The following OR10G3 variants were observed in gnomAD, a reference collection of about 807,000 sequenced individuals.
The protein encoded by OR10G3 is olfactory receptor family 10 subfamily G member 3, also known as olfactory receptor 10G3.
A neutral mutation model predicts 13.4 loss-of-function variants in OR10G3; 8 were observed. The ratio of observed to expected loss-of-function variants is 0.60; its 90% CI spans 0.35 to 1.08. The LOEUF is 1.08. OR10G3 is among the 50% of genes least tolerant of loss of function. The probability of loss-of-function intolerance (pLI) is 0.02; values close to 1 mark genes in which losing one functional copy is unlikely to be tolerated. For missense variants in OR10G3, 393 were observed against 386.6 expected (o/e 1.02, Z -0.14); for synonymous variants, 142 against 156.1 (o/e 0.91, Z 0.67).
intron 1 of OR10G3, among the ~76,000 whole-genome samples, chr14:21,572,283 C>A (rs1893078411): frequency 1.2e-4 from 1 of 8,006 alleles, no homozygotes; most frequent in Non-Finnish European, 2.4e-4. Context: ...GAAACTCCAT[C>A]TCAAAAAAAA....
At chr14:21,573,688 G>A (rs990812383) in intron 1 of OR10G3, among the ~76,000 whole-genome samples, 1 of 150,642 alleles carries the variant, frequency 6.6e-6, no homozygotes, top group East Asian at 1.9e-4. Context: ...AAAAAAGTAC[G>A]AAGTTTCAGT....
chr14:21,573,396 G>C (rs1440541498), intron 1 of OR10G3, among the ~76,000 whole-genome samples: 7 of 152,066 alleles, frequency 4.6e-5, no homozygotes, highest in African/African-American at 1.7e-4. Flanking sequence ...GTTTCAGCTG[G>C]GTGCAGTGGC....
intron 1 of OR10G3, among the ~76,000 whole-genome samples, chr14:21,578,776 A>G (rs532400073): frequency 3.3e-5 from 5 of 152,284 alleles, no homozygotes; most frequent in Middle Eastern, 6.8e-3. Flanking sequence ...TCTTTTTAAA[A>G]TAAATTTCAC....
chr14:21,571,195 A>T (rs574892009), intron 1 of OR10G3, among the ~76,000 whole-genome samples: 1 of 152,280 alleles, frequency 6.6e-6, no homozygotes, highest in Non-Finnish European at 1.5e-5. Context: ...TATTTGTTTC[A>T]TTAGGTGCTC....
intron 1 of OR10G3, among the ~76,000 whole-genome samples, chr14:21,572,134 A>G (rs1340381471): frequency 3.3e-5 from 5 of 151,534 alleles, no homozygotes; most frequent in Non-Finnish European, 5.9e-5. Flanking sequence ...TCTGCTAAAA[A>G]TACAAAAATT....
Position 21,569,924 on chromosome 14 carries a change from G to A in OR10G3, c.821C>T (p.Ala274Val), listed in dbSNP as rs542365102. The change falls in exon 2 of 2, where the codon GCC becomes GTC. Residue 274 changes from alanine (A) to valine (V), a missense_variant. Ala to Val is a moderately conservative substitution (Grantham distance 64). Coordinates refer to ENST00000641040, the MANE Select transcript of OR10G3 (RefSeq NM_001005465.2). ...AGGAGTGATGGCCGTGGGGACTAGGGCAGCTGCCCCATCCAGGGGGCTGTT... is the reference window on the plus strand; with the variant it reads ...AGGAGTGATGGCCGTGGGGACTAGGACAGCTGCCCCATCCAGGGGGCTGTT... ...ETNSPLDGAA[A>V]LVPTAITPFL... 1 of 1,613,376 alleles carries A rather than the reference G, an allele frequency of 6.2e-7. No homozygotes were observed. Among genetic ancestry groups the A allele is most frequent in the Admixed American group, 1.7e-5 (1 of 59,944 alleles).
At chr14:21,579,503 C>A (rs1032799892) in intron 1 of OR10G3, among the ~76,000 whole-genome samples, 1 of 152,128 alleles carries the variant, frequency 6.6e-6, no homozygotes, top group African/African-American at 2.4e-5. Flanking sequence ...TCTTGGCATC[C>A]CAAAGTGCTG....
At position 21,569,720 on chromosome 14, in the gene OR10G3, G is replaced by T. The variant is rs1227185964; in HGVS notation, c.*83C>A. On this transcript the variant is annotated 3_prime_UTR_variant, in exon 2 of 2. Coordinates refer to ENST00000641040, the MANE Select transcript of OR10G3 (RefSeq NM_001005465.2). ...TGGCTATATAAAAGAGAAAAAACAAGAAGAAAAGAAAAAAGTTACCGAAGC... is the reference window on the plus strand; with the variant it reads ...TGGCTATATAAAAGAGAAAAAACAATAAGAAAAGAAAAAAGTTACCGAAGC... The T allele has an allele frequency of 1.2e-5, 14 of 1,144,560 alleles. No individual in the cohort carries two copies. Among genetic ancestry groups the T allele is most frequent in the Non-Finnish European group, 1.5e-5 (12 of 808,894 alleles). The allele number at this position is 1,144,560 out of a possible 1,614,324, so 70.9% of individuals were successfully genotyped here. A position where few individuals can be genotyped will look rare whatever the true frequency, so the allele number is the denominator to read the frequency against.
At chr14:21,577,628 A>G (rs141421877) in intron 1 of OR10G3, among the ~76,000 whole-genome samples, 244 of 152,388 alleles carry the variant, frequency 1.6e-3, no homozygotes, top group African/African-American at 5.7e-3. Flanking sequence ...TCTAAAATCA[A>G]ACTAGAGTGA....
chr14:21,579,251 A>AC (rs1876835078), intron 1 of OR10G3, among the ~76,000 whole-genome samples: 1 of 151,802 alleles, frequency 6.6e-6, no homozygotes, highest in Non-Finnish European at 1.5e-5. Context: ...TTTAATTTTA[A>AC]TTTTTATTTT....
rs77150349 is a variant in OR10G3, at chr14:21,577,096, C to G, written c.-18+2690G>C. Among the ~76,000 whole-genome samples the G allele has an allele frequency of 4.6e-3, 703 of 152,222 alleles. 5 individuals carry two copies. The highest frequency in any genetic ancestry group is 0.016 in the African/African-American group (652 of 41,516). On this transcript the variant is annotated intron_variant, in intron 1 of 1. Transcript: ENST00000641040. ...CTCCAAGCATAAAGCTTAGTATTTG[C>G]CAGGTAACCACCCTTCTGCATACTC...
At chr14:21,578,896 A>G (rs1876820046) in intron 1 of OR10G3, among the ~76,000 whole-genome samples, 1 of 152,358 alleles carries the variant, frequency 6.6e-6, no homozygotes, top group South Asian at 2.1e-4. Flanking sequence ...GACATGAGAC[A>G]ATTTCTATTA....
intron 1 of OR10G3, among the ~76,000 whole-genome samples, chr14:21,571,020 C>T (rs1355930222): frequency 6.6e-6 from 1 of 152,188 alleles, no homozygotes; most frequent in Non-Finnish European, 1.5e-5. Flanking sequence ...TTGCATTTAG[C>T]TTGCAAAACA....
chr14:21,570,577 A>G lies in OR10G3; in HGVS notation c.168T>C (p.His56=). Residue 56 remains histidine, a synonymous_variant, in exon 2 of 2, where the codon CAT becomes CAC. Transcript: ENST00000641040. ...CAAGAAAGATGTACATGGGGCGGGC[A>G]TGGAGCCTTGGGTCTGCCCAGACAG... ...LITVWADPRL[H]ARPMYIFLGV... is the part of the protein sequence containing the mutation. 4 of 1,614,224 alleles carry G rather than the reference A, an allele frequency of 2.5e-6. No homozygotes were observed. The highest frequency in any genetic ancestry group is 3.4e-6 in the Non-Finnish European group (4 of 1,180,032).
At position 21,570,366 on chromosome 14, in the gene OR10G3, T is replaced by C. The variant is rs1893053123; in HGVS notation, c.379A>G (p.Ile127Val). Residue 127 changes from isoleucine to valine, a missense_variant, in exon 2 of 2, where the codon ATA becomes GTA. Physicochemically the swap from Ile to Val is conservative, Grantham distance 29. Transcript: ENST00000641040. ...ACAGGGTAGCGCAGGGGCTGACATA[T>C]TGCCAGGTACCTGTCATAGGCCATT... ...TLMAYDRYLA[I>V]CQPLRYPVLM... 8.7e-6 allele frequency: 14 copies of C among 1,614,102 alleles called. No individual in the cohort carries two copies. The highest frequency in any genetic ancestry group is 1.6e-4 in the Middle Eastern group (1 of 6,062).
At chr14:21,575,182 C>T (rs1019687349) in intron 1 of OR10G3, among the ~76,000 whole-genome samples, 10 of 150,322 alleles carry the variant, frequency 6.7e-5, no homozygotes, top group Non-Finnish European at 1.2e-4. Flanking sequence ...CCCGGGTTCT[C>T]GCCATTCTCC....
intron 1 of OR10G3, among the ~76,000 whole-genome samples, chr14:21,573,115 G>A (rs1215465988): frequency 1.3e-5 from 2 of 152,128 alleles, no homozygotes; most frequent in Non-Finnish European, 2.9e-5. Context: ...TACCACATTT[G>A]TCTGCAAAAT....
At chr14:21,579,282 T>A (rs2139716150) in intron 1 of OR10G3, among the ~76,000 whole-genome samples, 1 of 152,364 alleles carries the variant, frequency 6.6e-6, no homozygotes, top group East Asian at 1.9e-4. Flanking sequence ...TCTCTCTCTG[T>A]TGCCCAGGCT....
At chr14:21,570,861 T>G in intron 1 of OR10G3, 100 bp from the exon 2 acceptor site, 1 of 662,576 alleles carries the variant, frequency 1.5e-6, no homozygotes, top group East Asian at 2.7e-5. Context: ...CAGAGAAGTT[T>G]CTTTCTTACG....
Sources: gnomAD v4.1 joint callset for allele counts (sites outside exome capture counted in the v4.1 genomes callset) on GRCh38, gnomAD v4.1.1 for gene constraint, MANE v1.5 for transcripts, NCBI Gene and HGNC (gene_info 2026-07-23, HGNC 2026-07-21) for gene names.